TRAPPC9: variants seen among roughly 807,000 people sequenced by gnomAD.
TRAPPC9 encodes IKK2 binding protein.
In TRAPPC9, 83 loss-of-function variants were observed where a neutral mutation model predicts 124.0. The observed-to-expected ratio is 0.67, with a 90% CI of 0.56 to 0.80. TRAPPC9 has a LOEUF of 0.80. Among genes scored for constraint, TRAPPC9 ranks in the 30% least tolerant of loss-of-function variants. TRAPPC9 has a pLI of 0.00. For synonymous variants in TRAPPC9, 638 were observed against 617.5 expected (o/e 1.03, Z -0.49); for missense variants, 1,302 against 1,508.3 (o/e 0.86, Z 2.27).
intron 17 of TRAPPC9, among the ~76,000 whole-genome samples, chr8:140,079,661 T>G (rs1563744720): frequency 6.6e-6 from 1 of 152,178 alleles, no homozygotes; most frequent in Non-Finnish European, 1.5e-5. Context: ...CCAGGCATGG[T>G]GGCTCATGCC....
chr8:140,195,086 T>C (rs2062608520), intron 17 of TRAPPC9, among the ~76,000 whole-genome samples: 1 of 150,290 alleles, frequency 6.7e-6, no homozygotes, highest in Admixed American at 6.6e-5. Flanking sequence ...CACTCAAGGA[T>C]CCACCATACA....
rs78968776 is a variant in TRAPPC9, at chr8:139,727,725, T to C, written c.*3336A>G. On this transcript the variant is annotated 3_prime_UTR_variant, in exon 23 of 23. Transcript: ENST00000438773. ...TTTGAAACCATCTACAGGTCCGGAC[T>C]TTGCTTGAATACTTCTATTGACAAA... Among the ~76,000 whole-genome samples the C allele has an allele frequency of 0.026, 3,987 of 152,264 alleles. 158 individuals carry two copies. Among genetic ancestry groups the C allele is most frequent in the African/African-American group, 0.089 (3,711 of 41,540 alleles).
At chr8:140,444,035 C>CAAAAAA (rs35121401) in intron 2 of TRAPPC9, among the ~76,000 whole-genome samples, 1 of 40,918 alleles carries the variant, frequency 2.4e-5, no homozygotes, top group Non-Finnish European at 4.1e-5. Flanking sequence ...GACTCCATCT[C>CAAAAAA]AAAAAAAAAA....
At chr8:139,888,220 C>T (rs74683072) in intron 20 of TRAPPC9, among the ~76,000 whole-genome samples, 1,920 of 152,316 alleles carry the variant, frequency 0.013, 43 homozygotes, top group African/African-American at 0.044. Context: ...GTAAACAGCT[C>T]CTGCCCTCAC....
chr8:140,266,678 GC>G (rs1333291620), intron 15 of TRAPPC9, among the ~76,000 whole-genome samples: 2 of 151,832 alleles, frequency 1.3e-5, no homozygotes, highest in Non-Finnish European at 2.9e-5. Flanking sequence ...CTAACATGGT[GC>G]AAACCCATCT....
intron 18 of TRAPPC9, among the ~76,000 whole-genome samples, chr8:140,016,237 A>G (rs1484590223): frequency 1.3e-5 from 2 of 152,218 alleles, no homozygotes; most frequent in East Asian, 3.8e-4. Flanking sequence ...TAGTCTGATT[A>G]TTTGTCTACA....
At chr8:139,944,330 A>G (rs913762086) in intron 19 of TRAPPC9, among the ~76,000 whole-genome samples, 2 of 152,200 alleles carry the variant, frequency 1.3e-5, no homozygotes, top group African/African-American at 4.8e-5. Context: ...CAAATATAAA[A>G]TATTGTTTTC....
intron 21 of TRAPPC9, among the ~76,000 whole-genome samples, chr8:139,840,244 T>A (rs59170617): frequency 6.6e-6 from 1 of 152,080 alleles, no homozygotes; most frequent in African/African-American, 2.4e-5. Flanking sequence ...GGGAGGTGGC[T>A]TGCAATGGCC....
At chr8:139,894,547 C>T (rs566650765) in intron 20 of TRAPPC9, among the ~76,000 whole-genome samples, 29 of 152,226 alleles carry the variant, frequency 1.9e-4, no homozygotes, top group African/African-American at 6.3e-4. Flanking sequence ...AACTGGAGTG[C>T]CTGCAGCGGA....
chr8:140,043,638 G>A (rs930134377), intron 17 of TRAPPC9, among the ~76,000 whole-genome samples: 5 of 152,150 alleles, frequency 3.3e-5, no homozygotes, highest in Non-Finnish European at 5.9e-5. Context: ...AGGGTCACCA[G>A]GGGAGCTTGC....
At chr8:139,936,780 T>C (rs76269967) in intron 19 of TRAPPC9, among the ~76,000 whole-genome samples, 7 of 123,934 alleles carry the variant, frequency 5.6e-5, no homozygotes, top group African/African-American at 2.4e-4. Flanking sequence ...GTATAAAGCA[T>C]GGAGAGAGTG....
chr8:139,882,915 A>T (rs1829766363), intron 21 of TRAPPC9, among the ~76,000 whole-genome samples: 1 of 152,216 alleles, frequency 6.6e-6, no homozygotes, highest in South Asian at 2.1e-4. Context: ...CCATGGAACC[A>T]AACTACATTT....
intron 7 of TRAPPC9, 86 bp downstream of exon 7, chr8:140,397,534 G>T: frequency 6.5e-7 from 1 of 1,545,970 alleles, no homozygotes; most frequent in Non-Finnish European, 8.9e-7. Flanking sequence ...CTGAACCTCA[G>T]CAAAACGAAA....
intron 7 of TRAPPC9, among the ~76,000 whole-genome samples, chr8:140,387,662 A>C (rs565403676): frequency 6.6e-6 from 1 of 152,348 alleles, no homozygotes; most frequent in Admixed American, 6.5e-5. Context: ...ATGCAAATCA[A>C]AACCACAATG....
intron 9 of TRAPPC9, among the ~76,000 whole-genome samples, chr8:140,334,324 G>GA (rs1341390825): frequency 1.7e-4 from 26 of 151,916 alleles, no homozygotes; most frequent in African/African-American, 6.1e-4. Context: ...ATACATTTTA[G>GA]GAAATAATTT....
At chr8:139,821,565 G>C (rs1333987964) in intron 21 of TRAPPC9, among the ~76,000 whole-genome samples, 1 of 152,218 alleles carries the variant, frequency 6.6e-6, no homozygotes, top group Non-Finnish European at 1.5e-5. Flanking sequence ...CCTACCCCAG[G>C]GTCCAGACCG....
At chr8:140,386,846 C>G (rs2068767184) in intron 7 of TRAPPC9, among the ~76,000 whole-genome samples, 1 of 152,158 alleles carries the variant, frequency 6.6e-6, no homozygotes, top group Non-Finnish European at 1.5e-5. Flanking sequence ...CAAAAAAGAG[C>G]CTGCATTGCC....
chr8:140,360,422 C>T (rs540515539), intron 8 of TRAPPC9, among the ~76,000 whole-genome samples: 1 of 152,272 alleles, frequency 6.6e-6, no homozygotes, highest in African/African-American at 2.4e-5. Flanking sequence ...TCTCTCTCTG[C>T]AAAGACATGA....
chr8:139,998,888 C>T (rs575058050), intron 18 of TRAPPC9, among the ~76,000 whole-genome samples: 2 of 152,162 alleles, frequency 1.3e-5, no homozygotes, highest in African/African-American at 4.8e-5. Flanking sequence ...TTTGAGATTC[C>T]ACCAAGTGAT....
Sources: allele counts gnomAD v4.1 joint callset (sites outside exome capture counted in the v4.1 genomes callset), GRCh38; gene constraint gnomAD v4.1.1; transcripts MANE v1.5; gene names NCBI Gene and HGNC (gene_info 2026-07-23, HGNC 2026-07-21).